The following PPP6R3 variants were observed in gnomAD, a reference collection of about 807,000 sequenced individuals.
PPP6R3 encodes the protein protein phosphatase 6 regulatory subunit 3, also known as serine/threonine-protein phosphatase 6 regulatory subunit 3.
Under a neutral mutation model 110.7 loss-of-function variants are expected in PPP6R3, and 38 were observed. The ratio of observed to expected loss-of-function variants is 0.34; its 90% CI spans 0.26 to 0.45. The LOEUF (loss-of-function observed/expected upper bound fraction) is 0.45, where lower values mean the gene tolerates loss of function less well. PPP6R3 is among the 20% of genes least tolerant of loss of function. The probability of loss-of-function intolerance (pLI) is 1.00; values close to 1 mark genes in which losing one functional copy is unlikely to be tolerated. For missense variants in PPP6R3, 870 were observed against 1,062.4 expected (o/e 0.82, Z 2.52); for synonymous variants, 369 against 373.5 (o/e 0.99, Z 0.14).
chr11:68,611,826 G>C (rs1358051115), intron 23 of PPP6R3, among the ~76,000 whole-genome samples: 6 of 152,180 alleles, frequency 3.9e-5, no homozygotes, highest in African/African-American at 1.4e-4. Flanking sequence ...TGACAGCATG[G>C]GATATTGAAG....
intron 7 of PPP6R3, among the ~76,000 whole-genome samples, chr11:68,557,296 T>C (rs1352794799): frequency 6.6e-6 from 1 of 152,200 alleles, no homozygotes; most frequent in African/African-American, 2.4e-5. Context: ...CAAGGGGACC[T>C]TCTCAAGTTA....
At chr11:68,568,175 G>A (rs988804192) in intron 10 of PPP6R3, among the ~76,000 whole-genome samples, 3 of 152,080 alleles carry the variant, frequency 2.0e-5, no homozygotes, top group Non-Finnish European at 4.4e-5. Flanking sequence ...AAGAGATGAA[G>A]ATTTAAAGAA....
intron 1 of PPP6R3, among the ~76,000 whole-genome samples, chr11:68,509,228 T>C (rs530819530): frequency 3.3e-4 from 51 of 152,374 alleles, no homozygotes; most frequent in African/African-American, 1.2e-3. Flanking sequence ...ATCATCCTTA[T>C]GGATTCCACC....
intron 12 of PPP6R3, 138 bp downstream of exon 12, chr11:68,571,242 T>A: frequency 8.3e-7 from 1 of 1,199,984 alleles, no homozygotes; most frequent in Non-Finnish European, 1.1e-6. Context: ...TTTCCCCAGA[T>A]TATTTCATTG....
chr11:68,557,010 A>G (rs945758141), intron 7 of PPP6R3, among the ~76,000 whole-genome samples: 3 of 152,264 alleles, frequency 2.0e-5, no homozygotes, highest in African/African-American at 7.2e-5. Context: ...CGAAAGTGAC[A>G]GTGCCCTCTG....
At chr11:68,476,171 A>C (rs1319105564) in intron 1 of PPP6R3, among the ~76,000 whole-genome samples, 2 of 152,132 alleles carry the variant, frequency 1.3e-5, no homozygotes, top group Non-Finnish European at 2.9e-5. Flanking sequence ...AGCCTGGGCA[A>C]CATTGAGCAC....
Position 68,614,786 on chromosome 11 carries a change from TG to T in PPP6R3, c.*1671del, listed in dbSNP as rs777838665. Reference sequence around the variant, plus strand: ...GAAGAGACTGTCCTTGGGCCTCCTCTGGAAGCAGCACCCCCAGAGGACAGGG... The same window carrying T: ...GAAGAGACTGTCCTTGGGCCTCCTCTGAAGCAGCACCCCCAGAGGACAGGG... On this transcript the variant is annotated 3_prime_UTR_variant, in exon 24 of 24. Transcript: ENST00000393800. The T allele has an allele frequency of 6.5e-7, 1 of 1,529,450 alleles. No homozygotes were observed. Among genetic ancestry groups the T allele is most frequent in the South Asian group, 1.2e-5 (1 of 83,430 alleles). The allele number at this position is 1,529,450 out of a possible 1,614,324, so 94.7% of individuals were successfully genotyped here. A position where few individuals can be genotyped will look rare whatever the true frequency, so the allele number is the denominator to read the frequency against.
intron 1 of PPP6R3, among the ~76,000 whole-genome samples, chr11:68,490,469 C>T (rs756927751): frequency 6.6e-6 from 1 of 151,236 alleles, no homozygotes; most frequent in African/African-American, 2.4e-5. Flanking sequence ...GGCATTGTTT[C>T]CTGAACTTTC....
At position 68,600,388 on chromosome 11, in the gene PPP6R3, G is replaced by A. The variant is rs143301457; in HGVS notation, c.2086G>A (p.Gly696Ser). The change falls in exon 20 of 24, where the codon GGT becomes AGT. Residue 696 changes from glycine (G) to serine (S), a missense_variant. Physicochemically the swap from Gly to Ser is moderately conservative, Grantham distance 56. Transcript: ENST00000393800. The part of the protein sequence containing the change: ...NFDVPMETTH[G>S]APLDSVGSDV... ...TGATGTCCCAATGGAAACAACCCAC[G>A]GTGCTCCATTGGATTCTGTGGGATC... 23 of 1,613,808 alleles carry A rather than the reference G, an allele frequency of 1.4e-5. No homozygotes were observed. Among genetic ancestry groups the A allele is most frequent in the African/African-American group, 2.7e-5 (2 of 74,862 alleles).
chr11:68,604,533 C>T (rs898622974), intron 22 of PPP6R3, among the ~76,000 whole-genome samples: 2 of 152,238 alleles, frequency 1.3e-5, no homozygotes, highest in African/African-American at 2.4e-5. Flanking sequence ...TTGTCTTCAG[C>T]ACTGTGCTGG....
In PPP6R3 at chr11:68,582,287, C is replaced by T. The variant is rs114113846; in HGVS notation, c.1546-756C>T. Among the ~76,000 whole-genome samples the T allele has an allele frequency of 3.5e-3, 530 of 152,360 alleles. 6 individuals carry two copies. Among genetic ancestry groups the T allele is most frequent in the African/African-American group, 0.012 (507 of 41,578 alleles). The stretch of plus-strand genomic sequence containing the variant: ...ATCCCTTGCCATATAGCAATCACTA[C>T]TATTAGTGCTGTACTTAATTATTTG... On this transcript the variant is annotated intron_variant, in intron 14 of 23. Coordinates refer to ENST00000393800, the MANE Select transcript of PPP6R3 (RefSeq NM_001164161.2).
At chr11:68,607,032 T>C (rs545491978) in intron 22 of PPP6R3, among the ~76,000 whole-genome samples, 1 of 152,304 alleles carries the variant, frequency 6.6e-6, no homozygotes, top group East Asian at 1.9e-4. Flanking sequence ...AACCCAAGTC[T>C]CTATAGAGAA....
At chr11:68,550,450 T>C (rs1248667619) in intron 5 of PPP6R3, among the ~76,000 whole-genome samples, 1 of 152,232 alleles carries the variant, frequency 6.6e-6, no homozygotes, top group Non-Finnish European at 1.5e-5. Context: ...GGGCTTCTTA[T>C]GGCATTAATG....
rs1425060469 is a variant in PPP6R3 at position 68,477,905 on chromosome 11, ATTT to A, written c.-158+17083_-158+17085del. ...TTTGCTTTTCATCTGTAAAGTTTAG[ATTT>A]TTTTGTGTGTGTAGAGACAGGCTCA... On this transcript the variant is annotated intron_variant, in intron 1 of 23. Coordinates refer to ENST00000393800, the MANE Select transcript of PPP6R3 (RefSeq NM_001164161.2). 2.0e-5 allele frequency among the ~76,000 whole-genome samples: 3 copies of A among 150,632 alleles called. No homozygotes were observed. In the East Asian group the frequency reaches 5.9e-4, roughly 29 times the overall value.
chr11:68,466,070 T>G (rs2098743003), intron 1 of PPP6R3, among the ~76,000 whole-genome samples: 1 of 152,162 alleles, frequency 6.6e-6, no homozygotes, highest in Non-Finnish European at 1.5e-5. Flanking sequence ...GTCCGAAGCT[T>G]GCTGTAGGTT....
At chr11:68,566,302 TTCC>T (rs946338882) in intron 9 of PPP6R3, among the ~76,000 whole-genome samples, 2 of 151,936 alleles carry the variant, frequency 1.3e-5, no homozygotes, top group African/African-American at 4.8e-5. Flanking sequence ...TTATTCTTCC[TTCC>T]TCCTCCTCCT....
chr11:68,486,208 T>C (rs1233025969), intron 1 of PPP6R3, among the ~76,000 whole-genome samples: 1 of 152,152 alleles, frequency 6.6e-6, no homozygotes, highest in Non-Finnish European at 1.5e-5. Flanking sequence ...AGGATTTTTA[T>C]ATCTGTGTTC....
In PPP6R3 at chr11:68,510,810, T is replaced by C. The variant is rs532664710; in HGVS notation, c.-157-8691T>C. 3.7e-4 allele frequency among the ~76,000 whole-genome samples: 57 copies of C among 152,342 alleles called. 1 individual carries two copies. Among genetic ancestry groups the C allele is most frequent in the Middle Eastern group, 6.8e-3 (2 of 294 alleles). ...TGTTTTAACCAGTTAAAAATACTTA[T>C]TTACCTCCATATGTCTGAAGACTGT... On this transcript the variant is annotated intron_variant, in intron 1 of 23. Coordinates refer to ENST00000393800, the MANE Select transcript of PPP6R3 (RefSeq NM_001164161.2).
intron 1 of PPP6R3, among the ~76,000 whole-genome samples, chr11:68,498,820 T>C (rs1388050690): frequency 6.6e-6 from 1 of 152,214 alleles, no homozygotes; most frequent in Admixed American, 6.5e-5. Flanking sequence ...TACGTATGCA[T>C]TTCTGTTGTT....
Sources: gnomAD v4.1 joint callset for allele counts (sites outside exome capture counted in the v4.1 genomes callset) on GRCh38, gnomAD v4.1.1 for gene constraint, MANE v1.5 for transcripts, NCBI Gene and HGNC (gene_info 2026-07-23, HGNC 2026-07-21) for gene names.